Variants in TESC observed in about 807,000 individuals in gnomAD.
TESC encodes the protein tescalcin, also known as calcineurin B homologous protein 3.
TESC carries 19 observed loss-of-function variants against 31.0 expected under a neutral mutation model. The ratio of observed to expected loss-of-function variants is 0.61; its 90% CI spans 0.43 to 0.90. TESC has a LOEUF of 0.90. Ranked by LOEUF, TESC falls within the 40% of genes least tolerant of loss-of-function variation. TESC has a pLI of 0.00. For synonymous variants in TESC, 109 were observed against 114.8 expected, an observed-to-expected ratio of 0.95 and a Z score of 0.32; for missense variants, 248 against 303.8, an observed-to-expected ratio of 0.82 and a Z score of 1.36.
intron 1 of TESC, among the ~76,000 whole-genome samples, chr12:117,085,073 C>T (rs1174266829): frequency 1.3e-5 from 2 of 152,354 alleles, no homozygotes; most frequent in Admixed American, 6.5e-5. Context: ...AGGGTTGCAG[C>T]GGAGGTTCTA....
At chr12:117,068,224 G>A (rs988908777) in intron 2 of TESC, among the ~76,000 whole-genome samples, 5 of 151,862 alleles carry the variant, frequency 3.3e-5, no homozygotes, top group African/African-American at 9.7e-5. Context: ...AAATGACAGA[G>A]CAGTGGTAAG....
At position 117,039,137 on chromosome 12, in the gene TESC, T is replaced by C. The variant is rs911443927; in HGVS notation, c.641A>G (p.His214Arg). 2.5e-6 allele frequency: 4 copies of C among 1,613,848 alleles called. No homozygotes were observed. In the African/African-American group the frequency reaches 4.0e-5, roughly 16 times the overall value. The change falls in exon 8 of 8, where the codon CAC becomes CGC. Residue 214 changes from histidine (H) to arginine (R), a missense_variant. Transcript: ENST00000335209. ...FLNMETMALCH is the reference protein window; with the variant it reads ...FLNMETMALCR ...CTCCGCGGAGGTGGCGGTGGGTCAG[T>C]GGCAGAGGGCCATGGTTTCCATGTT...
chr12:117,048,434 G>A (rs1954599585), intron 4 of TESC, among the ~76,000 whole-genome samples: 1 of 152,204 alleles, frequency 6.6e-6, no homozygotes, highest in African/African-American at 2.4e-5. Flanking sequence ...AGGAGTCATG[G>A]GAAAGGCCAC....
rs1368289712 is a variant in TESC, at chr12:117,048,916, A to G, written c.349+103T>C. 2.4e-5 allele frequency: 38 copies of G among 1,571,516 alleles called. No individual in the cohort carries two copies. In the South Asian group the frequency reaches 4.4e-4, roughly 18 times the overall value. On this transcript the variant is annotated intron_variant, in intron 4 of 7. Coordinates refer to ENST00000335209, the MANE Select transcript of TESC (RefSeq NM_017899.4). ...CCAAGCCCTCCAAGCCCCCAAGCCA[A>G]TGCACACCCAGCCTCCTGCTGCAGA...
At position 117,042,002 on chromosome 12, in the gene TESC, C is replaced by T. The variant is rs367832506; in HGVS notation, c.520-8G>A. 3.5e-5 allele frequency: 55 copies of T among 1,591,686 alleles called. 3 individuals carry two copies. In the Middle Eastern group the frequency reaches 4.8e-3, roughly 140 times the overall value. ...GTACACCTGATCAGGCTCCTGGGGA[C>T]GGAAGCACAGGGTGGACAGTGAGTG... On this transcript the variant is annotated splice_region_variant and splice_polypyrimidine_tract_variant and intron_variant, in intron 6 of 7. Transcript: ENST00000335209.
At chr12:117,072,006 GA>G (rs1235758467) in intron 2 of TESC, among the ~76,000 whole-genome samples, 2 of 152,236 alleles carry the variant, frequency 1.3e-5, no homozygotes, top group East Asian at 1.9e-4. Context: ...AGTCAAGTTG[GA>G]AAAAAACTGT....
At chr12:117,092,865 C>G (rs1955332192) in intron 1 of TESC, among the ~76,000 whole-genome samples, 2 of 152,164 alleles carry the variant, frequency 1.3e-5, no homozygotes, top group South Asian at 4.1e-4. Context: ...GCATGATTTC[C>G]ATACAATGGA....
chr12:117,057,025 A>G, intron 2 of TESC, 139 bp from the exon 3 acceptor site: 1 of 785,746 alleles, frequency 1.3e-6, no homozygotes, highest in South Asian at 1.5e-5. Context: ...TAGGAGACAG[A>G]ACTGGAATAC....
chr12:117,062,071 G>A (rs947693006), intron 2 of TESC, among the ~76,000 whole-genome samples: 14 of 152,058 alleles, frequency 9.2e-5, no homozygotes, highest in Admixed American at 2.6e-4. Context: ...AACAGTAATC[G>A]CTGCAGCAGT....
intron 2 of TESC, among the ~76,000 whole-genome samples, chr12:117,073,516 T>C (rs749154963): frequency 6.6e-6 from 1 of 152,366 alleles, no homozygotes. Context: ...ATTAACAATA[T>C]GCCTGTGTTT....
chr12:117,099,003 T>G (rs1955434857), intron 1 of TESC, among the ~76,000 whole-genome samples: 1 of 151,974 alleles, frequency 6.6e-6, no homozygotes, highest in Non-Finnish European at 1.5e-5. Flanking sequence ...CCCGGGCCAG[T>G]CCGAAGCTGA....
chr12:117,075,753 C>T (rs1955043878), intron 1 of TESC, among the ~76,000 whole-genome samples: 1 of 149,956 alleles, frequency 6.7e-6, no homozygotes, highest in East Asian at 2.0e-4. Flanking sequence ...CAGCCTCCAC[C>T]TCCTGGGCTC....
intron 1 of TESC, among the ~76,000 whole-genome samples, chr12:117,082,363 G>C (rs1955160559): frequency 6.6e-6 from 1 of 151,992 alleles, no homozygotes; most frequent in Non-Finnish European, 1.5e-5. Context: ...AATTAGCCGG[G>C]CATGGTGGCA....
Position 117,049,233 on chromosome 12 carries a change from G to A in TESC, c.210-75C>T, listed in dbSNP as rs148450268. The A allele has an allele frequency of 3.8e-5, 61 of 1,594,658 alleles. No individual in the cohort carries two copies. The African/African-American group carries it at 6.3e-4, about 16-fold the overall frequency. On this transcript the variant is annotated intron_variant, in intron 3 of 7. Coordinates refer to ENST00000335209, the MANE Select transcript of TESC (RefSeq NM_017899.4). ...TGTCCTCTTGCTACCATTAGCTCCC[G>A]AGAACTCCGCTCTCAGGGTGCACAC...
chr12:117,096,632 T>TA (rs1398628736), intron 1 of TESC, among the ~76,000 whole-genome samples: 1 of 152,144 alleles, frequency 6.6e-6, no homozygotes, highest in Non-Finnish European at 1.5e-5. Context: ...TCATGTATAT[T>TA]AACTCAATCC....
At chr12:117,053,569 G>A (rs1021541615) in intron 3 of TESC, among the ~76,000 whole-genome samples, 1 of 152,116 alleles carries the variant, frequency 6.6e-6, no homozygotes, top group Non-Finnish European at 1.5e-5. Context: ...CACAGATCTT[G>A]TGTTTGGACG....
intron 2 of TESC, among the ~76,000 whole-genome samples, chr12:117,057,250 C>T (rs955787872): frequency 3.9e-5 from 6 of 152,134 alleles, no homozygotes; most frequent in South Asian, 2.1e-4. Flanking sequence ...AGATGCACGC[C>T]GCCATGCTTA....
intron 2 of TESC, among the ~76,000 whole-genome samples, chr12:117,063,561 C>A (rs1954828429): frequency 6.6e-6 from 1 of 152,192 alleles, no homozygotes; most frequent in South Asian, 2.1e-4. Context: ...GCTCCCCAAC[C>A]CCCACCAACC....
At chr12:117,092,666 GCTGAGGAGCCACTGT>G (rs1186574776) in intron 1 of TESC, among the ~76,000 whole-genome samples, 1 of 152,188 alleles carries the variant, frequency 6.6e-6, no homozygotes, top group Non-Finnish European at 1.5e-5. Context: ...TTCCTCCTCT[GCTGAGGAGCCACTGT>G]CTGAGGAGGG....
Sources: gnomAD v4.1 joint callset for allele counts (sites outside exome capture counted in the v4.1 genomes callset) on GRCh38, gnomAD v4.1.1 for gene constraint, MANE v1.5 for transcripts, NCBI Gene and HGNC (gene_info 2026-07-23, HGNC 2026-07-21) for gene names.